The following TBC1D4 variants were observed in gnomAD, a reference collection of about 807,000 sequenced individuals.
TBC1D4 encodes TBC1 domain family member 4.
In TBC1D4, 121 loss-of-function variants were observed where a neutral mutation model predicts 142.5. That is an observed-to-expected ratio of 0.85 (90% CI 0.73 to 0.99). The LOEUF (loss-of-function observed/expected upper bound fraction) is 0.99. Ranked by LOEUF, TBC1D4 falls within the 50% of genes least tolerant of loss-of-function variation. The pLI is 0.00. For synonymous variants in TBC1D4, 630 were observed against 628.2 expected (o/e 1.00, Z -0.04); for missense variants, 1,475 against 1,606.6 (o/e 0.92, Z 1.40).
intron 5 of TBC1D4, among the ~76,000 whole-genome samples, chr13:75,347,399 A>C (rs1237026267): frequency 6.6e-6 from 1 of 152,184 alleles, no homozygotes; most frequent in African/African-American, 2.4e-5. Flanking sequence ...CCAATCTGCT[A>C]TCTCCTTGTT....
chr13:75,362,509 A>G lies in TBC1D4; in HGVS notation c.597T>C (p.Ser199=). 6.2e-7 allele frequency: 1 copy of G among 1,614,156 alleles called. No homozygotes were observed. Among genetic ancestry groups the G allele is most frequent in the Non-Finnish European group, 8.5e-7 (1 of 1,180,014 alleles). The change falls in exon 2 of 21, where the codon TCT becomes TCC. Residue 199 remains serine, a synonymous_variant. Coordinates refer to ENST00000377636, the MANE Select transcript of TBC1D4 (RefSeq NM_014832.5). The surrounding 1 kb of genome is among the most constrained non-coding windows in gnomAD (Gnocchi z 4.2). ...CACAGTACAGGACTTCGAACTTCTG[A>G]GAGTTGTAAAAGGCGTCCTCATTAT... ...SKDNEDAFYN[S]QKFEVLYCGK...
intron 1 of TBC1D4, among the ~76,000 whole-genome samples, chr13:75,435,292 C>T (rs1474248220): frequency 2.0e-5 from 3 of 148,072 alleles, no homozygotes; most frequent in Admixed American, 6.7e-5. Context: ...CACGCCACTG[C>T]ACTCCAGCCT....
At chr13:75,326,797 G>GA (rs1367966089) in intron 9 of TBC1D4, among the ~76,000 whole-genome samples, 1 of 152,128 alleles carries the variant, frequency 6.6e-6, no homozygotes, top group Non-Finnish European at 1.5e-5. Context: ...CCAGAGAGAT[G>GA]AAAAAAAGAT....
chr13:75,303,470 CA>C, intron 15 of TBC1D4, among the ~76,000 whole-genome samples: 1 of 152,234 alleles, frequency 6.6e-6, no homozygotes, highest in Non-Finnish European at 1.5e-5. Context: ...ACAAGCAGTT[CA>C]AGGACACTAT....
At chr13:75,406,927 C>G (rs1282315731) in intron 1 of TBC1D4, among the ~76,000 whole-genome samples, 1 of 152,180 alleles carries the variant, frequency 6.6e-6, no homozygotes, top group Non-Finnish European at 1.5e-5. Flanking sequence ...CATGTAGGAT[C>G]TGCATCATTC....
intron 1 of TBC1D4, among the ~76,000 whole-genome samples, chr13:75,460,182 T>C (rs1887907543): frequency 6.6e-6 from 1 of 152,080 alleles, no homozygotes; most frequent in Non-Finnish European, 1.5e-5. Context: ...ATAATACATA[T>C]TAGTCATTGT....
chr13:75,359,431 C>A (rs1882321793), intron 3 of TBC1D4, among the ~76,000 whole-genome samples: 1 of 152,152 alleles, frequency 6.6e-6, no homozygotes, highest in Non-Finnish European at 1.5e-5. Flanking sequence ...GTCCCACAGG[C>A]CAACATTCCA....
rs562093087 is a variant in TBC1D4, at chr13:75,357,999, C to CT, written c.1171-1749dup. On this transcript the variant is annotated intron_variant, in intron 3 of 20. Coordinates refer to ENST00000377636, the MANE Select transcript of TBC1D4 (RefSeq NM_014832.5). ...TGGTTTGGCTAGTTCTTTTTTCTTT[C>CT]TATTTTTTTTTCTTTTAGCTGCCCA... Among the ~76,000 whole-genome samples, 52 of 12,972 alleles carry CT rather than the reference C, an allele frequency of 4.0e-3. No individual in the cohort carries two copies. In the East Asian group the frequency reaches 0.05, roughly 12 times the overall value. The allele number at this position is 12,972 out of a possible 152,430, so 8.5% of individuals were successfully genotyped here. A position where few individuals can be genotyped will look rare whatever the true frequency, so the allele number is the denominator to read the frequency against.
At chr13:75,451,727 T>C (rs1284501184) in intron 1 of TBC1D4, among the ~76,000 whole-genome samples, 1 of 149,302 alleles carries the variant, frequency 6.7e-6, no homozygotes, top group Non-Finnish European at 1.5e-5. Flanking sequence ...ATGTGCTCTA[T>C]ATTATAATTT....
At chr13:75,481,203 CCTCCCG>C in intron 1 of TBC1D4, 61 bp downstream of exon 1, 1 of 1,321,598 alleles carries the variant, frequency 7.6e-7, no homozygotes, top group Non-Finnish European at 1.0e-6. Context: ...GGTCCCCGCC[CCTCCCG>C]CCCTGCTCCC....
chr13:75,350,337 T>C (rs1881495567), intron 4 of TBC1D4, among the ~76,000 whole-genome samples: 1 of 152,178 alleles, frequency 6.6e-6, no homozygotes, highest in Admixed American at 6.5e-5. Context: ...TACTTCTACA[T>C]TTCAGTATAT....
chr13:75,300,564 A>G (rs1416727377), intron 16 of TBC1D4, among the ~76,000 whole-genome samples: 3 of 152,212 alleles, frequency 2.0e-5, no homozygotes, highest in Non-Finnish European at 4.4e-5. Context: ...AGTAAGAGGA[A>G]GATATGAGAA....
intron 1 of TBC1D4, among the ~76,000 whole-genome samples, chr13:75,420,362 A>G (rs1593866955): frequency 6.6e-6 from 1 of 152,254 alleles, no homozygotes; most frequent in Admixed American, 6.5e-5. Context: ...GTTACAAAAA[A>G]AAAGTGAATG....
At chr13:75,366,349 A>T (rs886490135) in intron 1 of TBC1D4, among the ~76,000 whole-genome samples, 2 of 152,204 alleles carry the variant, frequency 1.3e-5, no homozygotes, top group Admixed American at 1.3e-4. Context: ...GAATGGGGGA[A>T]CTTGATAGAT....
intron 12 of TBC1D4, among the ~76,000 whole-genome samples, chr13:75,319,454 G>C (rs531279184): frequency 7.9e-5 from 12 of 152,146 alleles, no homozygotes; most frequent in African/African-American, 2.9e-4. Context: ...ACACAGATGT[G>C]GTCAAACTTC....
rs1007139980 is a variant in TBC1D4 at position 75,302,540 on chromosome 13, A to G, written c.2753-139T>C. 4.1e-6 allele frequency: 4 copies of G among 968,692 alleles called. No individual in the cohort carries two copies. The Admixed American group carries it at 6.2e-5, about 15-fold the overall frequency. The allele number at this position is 968,692 out of a possible 1,614,324, so 60.0% of individuals were successfully genotyped here. On this transcript the variant is annotated intron_variant, in intron 15 of 20. Transcript: ENST00000377636. ...ACCCTAAGACCACACAATATAATTG[A>G]CAGAAGCATATTTTGACAAGCTGAA...
At chr13:75,412,274 G>GT (rs375153680) in intron 1 of TBC1D4, among the ~76,000 whole-genome samples, 14 of 151,706 alleles carry the variant, frequency 9.2e-5, no homozygotes, top group East Asian at 1.9e-4. Context: ...AAGACGTGGG[G>GT]TTTTTTTTGT....
At chr13:75,406,298 C>T (rs1490030542) in intron 1 of TBC1D4, among the ~76,000 whole-genome samples, 1 of 152,216 alleles carries the variant, frequency 6.6e-6, no homozygotes, top group South Asian at 2.1e-4. Flanking sequence ...CTATTATTTA[C>T]GTACTTTACT....
intron 1 of TBC1D4, among the ~76,000 whole-genome samples, chr13:75,423,922 A>T (rs1886267057): frequency 6.6e-6 from 1 of 152,204 alleles, no homozygotes; most frequent in East Asian, 1.9e-4. Context: ...CATACTTCAC[A>T]CTACTAAACT....
Sources: gnomAD v4.1 joint callset for allele counts (sites outside exome capture counted in the v4.1 genomes callset) on GRCh38, gnomAD v4.1.1 for gene constraint, Gnocchi (gnomAD v3.1) non-coding constraint, MANE v1.5 for transcripts, NCBI Gene and HGNC (gene_info 2026-07-23, HGNC 2026-07-21) for gene names.